CTCF: variants seen among roughly 807,000 people sequenced by gnomAD.
CTCF encodes the protein transcriptional repressor CTCF.
A neutral mutation model predicts 72.3 loss-of-function variants in CTCF; 7 were observed. That is an observed-to-expected ratio of 0.10 (90% confidence interval 0.06 to 0.18). The LOEUF (loss-of-function observed/expected upper bound fraction) is 0.18. CTCF is among the 10% of genes least tolerant of loss of function. The pLI, the probability that CTCF is intolerant of heterozygous loss-of-function variation, is 1.00. For synonymous variants in CTCF, 374 were observed against 315.8 expected, an observed-to-expected ratio of 1.18 and a Z score of -1.95; for missense variants, 516 against 949.1, an observed-to-expected ratio of 0.54 and a Z score of 6.00.
chr16:67,564,221 C>A (rs2051315067), intron 1 of CTCF, among the ~76,000 whole-genome samples: 1 of 152,178 alleles, frequency 6.6e-6, no homozygotes, highest in South Asian at 2.1e-4. Flanking sequence ...CGTTGAATTG[C>A]GGGAGTCTTT....
intron 10 of CTCF, among the ~76,000 whole-genome samples, chr16:67,632,692 A>G (rs1567618188): frequency 6.6e-6 from 1 of 152,186 alleles, no homozygotes; most frequent in Non-Finnish European, 1.5e-5. Context: ...TTTTCTAGGC[A>G]TTGGGCCAAC....
intron 2 of CTCF, among the ~76,000 whole-genome samples, chr16:67,574,650 C>G (rs2051470426): frequency 1.0e-5 from 1 of 97,002 alleles, no homozygotes; most frequent in African/African-American, 4.4e-5. Flanking sequence ...CCAAAAGCAT[C>G]TTTTTTTTTT....
intron 3 of CTCF, 54 bp downstream of exon 3, chr16:67,611,667 C>A: frequency 6.8e-7 from 1 of 1,473,508 alleles, no homozygotes; most frequent in Non-Finnish European, 9.3e-7. Flanking sequence ...GATAAGCATA[C>A]AACACAGTGC....
chr16:67,586,588 G>A (rs553808896), intron 2 of CTCF, among the ~76,000 whole-genome samples: 60 of 152,002 alleles, frequency 3.9e-4, no homozygotes, highest in African/African-American at 1.4e-3. Flanking sequence ...CAGCTACTAG[G>A]GAGGCTGAGG....
intron 2 of CTCF, among the ~76,000 whole-genome samples, chr16:67,578,992 C>A (rs546005924): frequency 6.6e-6 from 1 of 151,130 alleles, no homozygotes; most frequent in African/African-American, 2.4e-5. Flanking sequence ...TGGTGGCTCA[C>A]GCCTGTAATC....
intron 7 of CTCF, among the ~76,000 whole-genome samples, chr16:67,622,727 T>G (rs1024894904): frequency 2.7e-5 from 4 of 150,412 alleles, no homozygotes; most frequent in African/African-American, 9.8e-5. Context: ...CACTGCCACC[T>G]GTGCCTCCCA....
chr16:67,582,037 T>C (rs902650238), intron 2 of CTCF, among the ~76,000 whole-genome samples: 5 of 151,562 alleles, frequency 3.3e-5, no homozygotes, highest in African/African-American at 1.2e-4. Context: ...TCCTGGCTAA[T>C]ACGGTGAAAC....
chr16:67,576,408 GTTTTGTA>G (rs2051497435), intron 2 of CTCF, among the ~76,000 whole-genome samples: 1 of 151,732 alleles, frequency 6.6e-6, no homozygotes, highest in Non-Finnish European at 1.5e-5. Context: ...CTTTTTGTTG[GTTTTGTA>G]TAGTTTGTGT....
chr16:67,627,005 A>G (rs925598114), intron 8 of CTCF: 3 of 250,736 alleles, frequency 1.2e-5, no homozygotes, highest in African/African-American at 2.2e-5. Context: ...ATGCGGGGAC[A>G]TGACTGTTGG....
intron 2 of CTCF, among the ~76,000 whole-genome samples, chr16:67,587,057 T>C (rs1029594274): frequency 6.6e-6 from 1 of 151,878 alleles, no homozygotes; most frequent in African/African-American, 2.4e-5. Flanking sequence ...CCTGGCCTGC[T>C]ACTTGCTAAA....
In CTCF at chr16:67,638,418, A is replaced by G; in HGVS notation, c.*546A>G. On this transcript the variant is annotated 3_prime_UTR_variant, in exon 12 of 12. Coordinates refer to ENST00000264010, the MANE Select transcript of CTCF (RefSeq NM_006565.4). ...TCTTGGCAAAGTTTCTGGTATGGTC[A>G]AGCTTGTAAATAACTTTTTTTACAT... 4.4e-6 allele frequency: 1 copy of G among 225,410 alleles called. No individual in the cohort carries two copies. The highest frequency in any genetic ancestry group is 8.8e-6 in the Non-Finnish European group (1 of 113,094). 14.0% of individuals were successfully genotyped at this position (225,410 alleles called of 1,614,324 possible). A position where few individuals can be genotyped will look rare whatever the true frequency, so the allele number is the denominator to read the frequency against.
chr16:67,626,385 G>GGAGCTTGCAGTGAGCT, intron 7 of CTCF, 170 bp from the exon 8 acceptor site: 1 of 389,874 alleles, frequency 2.6e-6, no homozygotes, highest in Non-Finnish European at 4.4e-6. Context: ...CCTGGGAAGT[G>GGAGCTTGCAGTGAGCT]GAGCTTGCAG....
chr16:67,597,916 T>G (rs1010818872), intron 2 of CTCF, among the ~76,000 whole-genome samples: 1 of 152,170 alleles, frequency 6.6e-6, no homozygotes, highest in African/African-American at 2.4e-5. Flanking sequence ...GTGAGGTTTT[T>G]TAAATGCCTC....
At chr16:67,624,069 ATATGTGTGTGTG>A (rs1406242896) in intron 7 of CTCF, among the ~76,000 whole-genome samples, 14 of 91,500 alleles carry the variant, frequency 1.5e-4, no homozygotes, top group Admixed American at 3.8e-4. Context: ...AAAAAATTAT[ATATGTGTGTGTG>A]TGTGTGTGTG....
At chr16:67,626,332 A>G (rs938366647) in intron 7 of CTCF, among the ~76,000 whole-genome samples, 1 of 151,774 alleles carries the variant, frequency 6.6e-6, no homozygotes, top group African/African-American at 2.4e-5. Context: ...GGGCGCCTGT[A>G]GTCCCAGCTA....
Position 67,610,350 on chromosome 16 carries a change from CT to C in CTCF, c.-9-454del, listed in dbSNP as rs1158978403. Among the ~76,000 whole-genome samples the C allele has an allele frequency of 4.3e-3, 520 of 121,402 alleles. 1 individual carries two copies. Among genetic ancestry groups the C allele is most frequent in the African/African-American group, 0.01 (321 of 31,660 alleles). 79.6% of individuals were successfully genotyped at this position (121,402 alleles called of 152,430 possible). ...TTATAGGTAGTGGTTTTTTCTTTTT[CT>C]TTTTTTTTTTTTTTTTTTTGAGATG... On this transcript the variant is annotated intron_variant, in intron 2 of 11. Coordinates refer to ENST00000264010, the MANE Select transcript of CTCF (RefSeq NM_006565.4).
chr16:67,621,452 T>C lies in CTCF; in HGVS notation c.1218T>C (p.Pro406=). 6.3e-7 allele frequency: 1 copy of C among 1,599,134 alleles called. No homozygotes were observed. The highest frequency in any genetic ancestry group is 1.3e-5 in the African/African-American group (1 of 74,812). ...RHMRTHSGEK[P]YECYICHARF... is the part of the protein sequence containing the mutation. ...GTATTTTCTTTAAAGGGGAAAAGCCTTATGAATGTTATATTTGTCATGCTC... is the reference window on the plus strand; with the variant it reads ...GTATTTTCTTTAAAGGGGAAAAGCCCTATGAATGTTATATTTGTCATGCTC... Residue 406 remains proline (P), a synonymous_variant, in exon 7 of 12, where the codon CCT becomes CCC. Transcript: ENST00000264010.
intron 9 of CTCF, 90 bp downstream of exon 9, chr16:67,628,642 A>C (rs530933008): frequency 7.6e-7 from 1 of 1,310,732 alleles, no homozygotes; most frequent in South Asian, 1.3e-5. Context: ...TTTTTCACTG[A>C]GGTTATAAAC....
intron 2 of CTCF, among the ~76,000 whole-genome samples, chr16:67,584,691 C>G (rs762696680): frequency 1.3e-5 from 2 of 151,902 alleles, no homozygotes; most frequent in Non-Finnish European, 2.9e-5. Flanking sequence ...ATAAGTATTA[C>G]TCAAATTGAT....
Sources: gnomAD v4.1 joint callset for allele counts (sites outside exome capture counted in the v4.1 genomes callset) on GRCh38, gnomAD v4.1.1 for gene constraint, MANE v1.5 for transcripts, NCBI Gene and HGNC (gene_info 2026-07-23, HGNC 2026-07-21) for gene names.